Variants in APBA1 observed in about 807,000 individuals in gnomAD.
APBA1 encodes the protein amyloid beta precursor protein binding family A member 1.
Under a neutral mutation model 86.6 loss-of-function variants are expected in APBA1, and 55 were observed. The observed-to-expected ratio is 0.64, with a 90% CI of 0.51 to 0.80. The LOEUF (loss-of-function observed/expected upper bound fraction) is 0.80. Ranked by LOEUF, APBA1 falls within the 30% of genes least tolerant of loss-of-function variation. The probability of loss-of-function intolerance (pLI) is 0.00; values close to 1 mark genes in which losing one functional copy is unlikely to be tolerated. For missense variants in APBA1, 1,090 were observed against 1,183.0 expected (o/e 0.92, Z 1.15); for synonymous variants, 511 against 493.9 (o/e 1.03, Z -0.46).
chr9:69,652,222 G>A (rs1386025991), intron 1 of APBA1, among the ~76,000 whole-genome samples: 1 of 152,220 alleles, frequency 6.6e-6, no homozygotes, highest in African/African-American at 2.4e-5. Flanking sequence ...TGTTATGGCA[G>A]CCTCAACAGA....
chr9:69,593,310 T>G (rs1049636142), intron 1 of APBA1, among the ~76,000 whole-genome samples: 4 of 152,224 alleles, frequency 2.6e-5, no homozygotes, highest in Admixed American at 6.5e-5. Context: ...ATGACATTTT[T>G]CCTTCTAGAA....
chr9:69,531,336 C>G (rs2133906947), intron 1 of APBA1, among the ~76,000 whole-genome samples: 1 of 152,236 alleles, frequency 6.6e-6, no homozygotes, highest in East Asian at 1.9e-4. Flanking sequence ...TCCTTCATCA[C>G]CCTGTTCAAC....
At chr9:69,574,051 G>A (rs1237566390) in intron 1 of APBA1, among the ~76,000 whole-genome samples, 1 of 152,122 alleles carries the variant, frequency 6.6e-6, no homozygotes, top group Non-Finnish European at 1.5e-5. Flanking sequence ...ATTTATGTTT[G>A]TATATGTGTG....
rs147232681 is a variant in APBA1, at chr9:69,565,073, G to T, written c.-69-47794C>A. ...CTCCTCATATAAGCAAGGGCATAAA[G>T]CTAAGAGAAGAAAATGTTCTAAAAT... On this transcript the variant is annotated intron_variant, in intron 1 of 12. Transcript: ENST00000265381. Among the ~76,000 whole-genome samples the T allele has an allele frequency of 6.6e-5, 10 of 152,320 alleles. No homozygotes were observed. The East Asian group carries it at 9.6e-4, about 15-fold the overall frequency.
At chr9:69,457,027 T>C (rs781079405) in intron 7 of APBA1, 26 bp downstream of exon 7, 2 of 1,600,952 alleles carry the variant, frequency 1.2e-6, no homozygotes, top group Non-Finnish European at 1.7e-6. Flanking sequence ...AGCTTCACCC[T>C]GGGAAAGGTG....
chr9:69,533,778 A>G (rs1836467183), intron 1 of APBA1, among the ~76,000 whole-genome samples: 1 of 152,256 alleles, frequency 6.6e-6, no homozygotes, highest in African/African-American at 2.4e-5. Context: ...ATTCTAAAGT[A>G]ACAGAAATAT....
intron 1 of APBA1, among the ~76,000 whole-genome samples, chr9:69,576,856 TA>T (rs574579353): frequency 9.2e-5 from 14 of 152,236 alleles, no homozygotes; most frequent in East Asian, 1.9e-4. Flanking sequence ...TAAAGTATAA[TA>T]AAAAAATTAT....
intron 1 of APBA1, among the ~76,000 whole-genome samples, chr9:69,661,307 A>T (rs1823748701): frequency 6.6e-6 from 1 of 152,198 alleles, no homozygotes; most frequent in African/African-American, 2.4e-5. Context: ...CTAGGTAGGG[A>T]GTCACTTTCG....
chr9:69,569,363 A>T (rs1016163226), intron 1 of APBA1, among the ~76,000 whole-genome samples: 5 of 152,182 alleles, frequency 3.3e-5, no homozygotes, highest in Non-Finnish European at 7.3e-5. Context: ...TTATTTCCAT[A>T]CATTCTAGTG....
chr9:69,661,129 C>A (rs1823745525), intron 1 of APBA1, among the ~76,000 whole-genome samples: 1 of 152,182 alleles, frequency 6.6e-6, no homozygotes. Flanking sequence ...GAAATACAGT[C>A]ACACTAATAG....
At chr9:69,486,236 A>G (rs1835607527) in intron 2 of APBA1, among the ~76,000 whole-genome samples, 1 of 151,996 alleles carries the variant, frequency 6.6e-6, no homozygotes, top group Non-Finnish European at 1.5e-5. Flanking sequence ...ACAGGCATGA[A>G]CCACTGCCCC....
At chr9:69,641,740 T>C (rs1471572463) in intron 1 of APBA1, among the ~76,000 whole-genome samples, 3 of 152,212 alleles carry the variant, frequency 2.0e-5, no homozygotes. Context: ...TAACTTAAAA[T>C]GGGCCAGAGA....
At chr9:69,451,524 T>C (rs1835009041) in intron 9 of APBA1, among the ~76,000 whole-genome samples, 1 of 152,166 alleles carries the variant, frequency 6.6e-6, no homozygotes, top group Non-Finnish European at 1.5e-5. Context: ...CCAAACCGTA[T>C]TTCCTCATTC....
rs778881943 is a variant in APBA1 at position 69,432,566 on chromosome 9, G to A, written c.2412C>T (p.Ile804=). The change falls in exon 12 of 13, where the codon ATC becomes ATT. Residue 804 remains isoleucine (I), a synonymous_variant. Transcript: ENST00000265381. Reference sequence around the variant, plus strand: ...CAACAGCATTGGAGAGAATGTGGACGATCTTCTCGTGGGGGGTGGCCACGA... The same window carrying A: ...CAACAGCATTGGAGAGAATGTGGACAATCTTCTCGTGGGGGGTGGCCACGA... The part of the protein sequence containing the change: ...QSVVATPHEK[I]VHILSNAVGE... The A allele has an allele frequency of 5.3e-5, 84 of 1,593,016 alleles. 1 individual carries two copies. In the South Asian group the frequency reaches 8.6e-4, roughly 16 times the overall value.
At position 69,593,731 on chromosome 9, in the gene APBA1, C is replaced by T. The variant is rs185885717; in HGVS notation, c.-69-76452G>A. Among the ~76,000 whole-genome samples the T allele has an allele frequency of 4.6e-5, 7 of 152,222 alleles. No homozygotes were observed. The East Asian group carries it at 1.4e-3, about 29-fold the overall frequency. ...CAATTCTTTCACATTCCCATTGATG[C>T]CAATGAAAATCAAAGTAGATAAGAG... On this transcript the variant is annotated intron_variant, in intron 1 of 12. Coordinates refer to ENST00000265381, the MANE Select transcript of APBA1 (RefSeq NM_001163.4).
chr9:69,527,434 T>C (rs935317585), intron 1 of APBA1, among the ~76,000 whole-genome samples: 11 of 152,084 alleles, frequency 7.2e-5, no homozygotes, highest in African/African-American at 2.7e-4. Flanking sequence ...CATAGGCCAA[T>C]ATATGTGGTA....
chr9:69,658,274 TTCTTTCTTTCTC>T (rs1823664146), intron 1 of APBA1, among the ~76,000 whole-genome samples: 2 of 68,266 alleles, frequency 2.9e-5, no homozygotes, highest in African/African-American at 9.7e-5. Context: ...CTTTCTTTCT[TTCTTTCTTTCTC>T]TCTCTCTTTC....
At chr9:69,500,869 T>A (rs1401646020) in intron 2 of APBA1, among the ~76,000 whole-genome samples, 1 of 152,100 alleles carries the variant, frequency 6.6e-6, no homozygotes, top group African/African-American at 2.4e-5. Flanking sequence ...TAGAGGCCAG[T>A]CCAGAGAAGC....
intron 1 of APBA1, among the ~76,000 whole-genome samples, chr9:69,597,681 AT>A (rs1432824611): frequency 6.6e-6 from 1 of 152,154 alleles, no homozygotes; most frequent in Non-Finnish European, 1.5e-5. Flanking sequence ...TCTTGAATTG[AT>A]TTTTGTATAA....
Sources: gnomAD v4.1 joint callset for allele counts (sites outside exome capture counted in the v4.1 genomes callset) on GRCh38, gnomAD v4.1.1 for gene constraint, MANE v1.5 for transcripts, NCBI Gene and HGNC (gene_info 2026-07-23, HGNC 2026-07-21) for gene names.